Variants in RGS5 observed in about 807,000 individuals in gnomAD.
RGS5 encodes regulator of G protein signaling 5, also known as regulator of G-protein signalling 5.
RGS5 carries 20 observed loss-of-function variants against 18.9 expected under a neutral mutation model. The ratio of observed to expected loss-of-function variants is 1.06; its 90% CI spans 0.74 to 1.54. The LOEUF (loss-of-function observed/expected upper bound fraction) is 1.54, where lower values mean the gene tolerates loss of function less well. RGS5 is among the 40% of genes most tolerant of loss of function. The probability of loss-of-function intolerance (pLI) is 0.00; values close to 1 mark genes in which losing one functional copy is unlikely to be tolerated. For missense variants in RGS5, 201 were observed against 211.8 expected (o/e 0.95, Z 0.32); for synonymous variants, 57 against 76.2 (o/e 0.75, Z 1.31).
At chr1:163,237,402 G>A (rs940027733) in intron 2 of RGS5, 3 of 152,658 alleles carry the variant, frequency 2.0e-5, no homozygotes, top group Non-Finnish European at 4.4e-5. Context: ...CAGCAGAGGG[G>A]GCAGGTGTGG....
chr1:163,212,010 T>C (rs755391964), intron 1 of RGS5: 1 of 152,222 alleles, frequency 6.6e-6, no homozygotes, highest in Non-Finnish European at 1.5e-5. Flanking sequence ...TCCTTTTTGA[T>C]CTTTCTGAGC....
chr1:163,274,763 A>G (rs1003667702), intron 2 of RGS5, among the ~76,000 whole-genome samples: 1 of 152,214 alleles, frequency 6.6e-6, no homozygotes, highest in African/African-American at 2.4e-5. Flanking sequence ...TGAGAATAAG[A>G]TAATTGAATT....
At chr1:163,231,753 T>TAAAAA (rs1647487373) in intron 2 of RGS5, among the ~76,000 whole-genome samples, 1 of 64,882 alleles carries the variant, frequency 1.5e-5, no homozygotes, top group South Asian at 3.6e-4. Context: ...AGTGGTAAAA[T>TAAAAA]TAAAAAAAAA....
rs369269829 is a variant in RGS5 at position 163,202,852 on chromosome 1, G to T, written c.-17C>A. 1.2e-6 allele frequency: 2 copies of T among 1,612,776 alleles called. No individual in the cohort carries two copies. The highest frequency in any genetic ancestry group is 1.7e-6 in the Non-Finnish European group (2 of 1,179,214). ...TTTGCACATTTTGGCAGGTGGCTTA[G>T]CTCCTCCGCTTTAAGTACAACTTCT... is the stretch of plus-strand genomic sequence containing the variant. On this transcript the variant is annotated 5_prime_UTR_variant, in exon 1 of 5. Coordinates refer to ENST00000313961, the MANE Select transcript of RGS5 (RefSeq NM_003617.4).
intron 1 of RGS5, among the ~76,000 whole-genome samples, chr1:163,214,313 G>T (rs1339997383): frequency 6.6e-6 from 1 of 152,020 alleles, no homozygotes; most frequent in Non-Finnish European, 1.5e-5. Context: ...ATTCTACTAG[G>T]TTGCTCTACT....
intron 1 of RGS5, among the ~76,000 whole-genome samples, chr1:163,174,762 T>C (rs377425999): frequency 4.6e-5 from 7 of 152,252 alleles, no homozygotes; most frequent in African/African-American, 1.4e-4. Flanking sequence ...GAAACAGAAG[T>C]AGCCCTGGGG....
At position 163,147,250 on chromosome 1, in the gene RGS5, G is replaced by C; in HGVS notation, c.*92C>G. On this transcript the variant is annotated 3_prime_UTR_variant, in exon 5 of 5. Coordinates refer to ENST00000313961, the MANE Select transcript of RGS5 (RefSeq NM_003617.4). Reference sequence around the variant, plus strand: ...TCCCATGTGGGTATCACTGAGCAAAGCTGCTGTGGGAAGATATGTAGATTA... The same window carrying C: ...TCCCATGTGGGTATCACTGAGCAAACCTGCTGTGGGAAGATATGTAGATTA... 1 of 1,364,104 alleles carries C rather than the reference G, an allele frequency of 7.3e-7. No homozygotes were observed. The highest frequency in any genetic ancestry group is 1.9e-4 in the Middle Eastern group (1 of 5,274). 84.5% of individuals were successfully genotyped at this position (1,364,104 alleles called of 1,614,324 possible). A position where few individuals can be genotyped will look rare whatever the true frequency, so the allele number is the denominator to read the frequency against.
chr1:163,291,639 G>A (rs1242328283), intron 2 of RGS5, among the ~76,000 whole-genome samples: 4 of 152,106 alleles, frequency 2.6e-5, no homozygotes, highest in Non-Finnish European at 5.9e-5. Context: ...ACAACCGATA[G>A]TTCCATCTGG....
At chr1:163,287,357 C>T (rs573187818) in intron 2 of RGS5, among the ~76,000 whole-genome samples, 9 of 152,304 alleles carry the variant, frequency 5.9e-5, no homozygotes, top group Admixed American at 5.9e-4. Context: ...CAGGCCTTCA[C>T]CTATTCCCCC....
rs148370805 is a variant in RGS5, at chr1:163,222,711, G to A, written c.-280-54343C>T. ...GACCTCTCAGCACTCAAAGGACTTG[G>A]ACTGTGAACTGGCTTAGGTGTGGAA... On this transcript the variant is annotated intron_variant, in intron 2 of 5. Coordinates refer to the RGS5 transcript ENST00000618415. Among the ~76,000 whole-genome samples the A allele has an allele frequency of 3.1e-3, 473 of 152,290 alleles. 4 individuals are homozygous for A. Among genetic ancestry groups the A allele is most frequent in the African/African-American group, 0.011 (450 of 41,552 alleles).
At chr1:163,155,271 G>A (rs933413954) in intron 3 of RGS5, among the ~76,000 whole-genome samples, 8 of 152,118 alleles carry the variant, frequency 5.3e-5, no homozygotes, top group South Asian at 4.1e-4. Context: ...TTTATGACAC[G>A]GGGATGTATG....
chr1:163,286,545 A>C (rs1649152803), intron 2 of RGS5, among the ~76,000 whole-genome samples: 1 of 151,948 alleles, frequency 6.6e-6, no homozygotes, highest in Non-Finnish European at 1.5e-5. Context: ...TAAAATGATT[A>C]TCTCCCTAAT....
In RGS5 at chr1:163,294,275, T is replaced by C. The variant is rs527686683; in HGVS notation, c.-281+11958A>G. 3.3e-4 allele frequency among the ~76,000 whole-genome samples: 50 copies of C among 152,356 alleles called. 1 individual carries two copies. The highest frequency in any genetic ancestry group is 1.1e-3 in the African/African-American group (47 of 41,594). ...CTGTCAGGATATCCAGGTGTTTCCATACATCCTTTGAAATCTAGGCAGAGG... is the reference window on the plus strand; with the variant it reads ...CTGTCAGGATATCCAGGTGTTTCCACACATCCTTTGAAATCTAGGCAGAGG... On this transcript the variant is annotated intron_variant, in intron 2 of 5. Coordinates refer to the RGS5 transcript ENST00000618415.
At chr1:163,216,991 C>G (rs982862437) in intron 1 of RGS5, among the ~76,000 whole-genome samples, 1 of 151,962 alleles carries the variant, frequency 6.6e-6, no homozygotes, top group African/African-American at 2.4e-5. Context: ...AAACAGAAAA[C>G]CAAATACCGC....
At chr1:163,216,159 T>A in intron 1 of RGS5, among the ~76,000 whole-genome samples, 1 of 152,174 alleles carries the variant, frequency 6.6e-6, no homozygotes. Flanking sequence ...GAGCTTTACC[T>A]GTGCTAATGT....
chr1:163,296,309 C>A (rs780364650), intron 2 of RGS5, among the ~76,000 whole-genome samples: 3 of 152,230 alleles, frequency 2.0e-5, no homozygotes, highest in African/African-American at 4.8e-5. Context: ...TGAGGTTTTG[C>A]GATCTACCTG....
intron 2 of RGS5, among the ~76,000 whole-genome samples, chr1:163,277,467 C>T (rs1648885795): frequency 6.6e-6 from 1 of 152,078 alleles, no homozygotes; most frequent in Non-Finnish European, 1.5e-5. Flanking sequence ...ACAACTAAAC[C>T]CCTGGCTCAT....
chr1:163,241,403 C>T (rs1426096742), intron 2 of RGS5, among the ~76,000 whole-genome samples: 2 of 152,190 alleles, frequency 1.3e-5, no homozygotes, highest in East Asian at 3.9e-4. Context: ...TTGCTCTAAA[C>T]TCTTGTTATG....
chr1:163,305,391 T>G (rs1462697906), intron 2 of RGS5: 1 of 152,514 alleles, frequency 6.6e-6, no homozygotes, highest in Non-Finnish European at 1.5e-5. Flanking sequence ...GCTGCAATCT[T>G]TTTTTCCGTG....
Sources: allele counts gnomAD v4.1 joint callset (sites outside exome capture counted in the v4.1 genomes callset), GRCh38; gene constraint gnomAD v4.1.1; transcripts MANE v1.5; gene names NCBI Gene and HGNC (gene_info 2026-07-23, HGNC 2026-07-21).